The following MYH4 variants were observed in gnomAD, a reference collection of about 807,000 sequenced individuals.
MYH4 encodes myosin-4.
Under a neutral mutation model 229.9 loss-of-function variants are expected in MYH4, and 200 were observed. That is an observed-to-expected ratio of 0.87 (90% CI 0.78 to 0.98). The LOEUF is 0.98. Ranked by LOEUF, MYH4 falls within the 50% of genes least tolerant of loss-of-function variation. The pLI is 0.00. For synonymous variants in MYH4, 761 were observed against 834.6 expected (o/e 0.91, Z 1.52); for missense variants, 2,148 against 2,332.6 (o/e 0.92, Z 1.63).
At position 10,452,952 on chromosome 17, in the gene MYH4, T is replaced by G; in HGVS notation, c.3112-20A>C. Reference sequence around the variant, plus strand: ...TTCAAGCTAAATTTATGATGCATTTTATTTATTTCAGCTCTTAAGCACTGA... The same window carrying G: ...TTCAAGCTAAATTTATGATGCATTTGATTTATTTCAGCTCTTAAGCACTGA... On this transcript the variant is annotated intron_variant, in intron 24 of 39. Transcript: ENST00000255381. The G allele has an allele frequency of 6.3e-7, 1 of 1,599,420 alleles. No homozygotes were observed. The highest frequency in any genetic ancestry group is 8.5e-7 in the Non-Finnish European group (1 of 1,176,886).
At chr17:10,457,833 G>A (rs1645650131) in intron 15 of MYH4, 104 bp from the exon 16 acceptor site, 4 of 1,408,340 alleles carry the variant, frequency 2.8e-6, no homozygotes, top group Non-Finnish European at 3.8e-6. Flanking sequence ...AGAAGACTTT[G>A]AATGATAAAT....
At chr17:10,465,058 C>T (rs2072747180) in intron 5 of MYH4, among the ~76,000 whole-genome samples, 1 of 152,164 alleles carries the variant, frequency 6.6e-6, no homozygotes, top group African/African-American at 2.4e-5. Flanking sequence ...TTGTACTGTG[C>T]TTGTGATAAC....
At position 10,453,723 on chromosome 17, in the gene MYH4, A is replaced by C; in HGVS notation, c.2854T>G (p.Ser952Ala). 1.2e-6 allele frequency: 2 copies of C among 1,614,052 alleles called. No individual in the cohort carries two copies. The highest frequency in any genetic ancestry group is 1.7e-6 in the Non-Finnish European group (2 of 1,179,998). ...AKKRKLEDEC[S>A]ELKKDIDDLE... is the part of the protein sequence containing the mutation. ...TCATCAATGTCTTTCTTGAGCTCTGAACATTCATCCTCCAGTTTCCTCTTC... is the reference window on the plus strand; with the variant it reads ...TCATCAATGTCTTTCTTGAGCTCTGCACATTCATCCTCCAGTTTCCTCTTC... Residue 952 changes from serine (S) to alanine (A), a missense_variant, in exon 23 of 40, where the codon TCA (serine) becomes GCA (alanine). By Grantham distance (99) the Ser-to-Ala change is moderately conservative (BLOSUM62 1). Coordinates refer to ENST00000255381, the MANE Select transcript of MYH4 (RefSeq NM_017533.2).
At position 10,463,609 on chromosome 17, in the gene MYH4, G is replaced by A. The variant is rs199624888; in HGVS notation, c.683C>T (p.Pro228Leu). 1.9e-6 allele frequency: 3 copies of A among 1,613,042 alleles called. No homozygotes were observed. Among genetic ancestry groups the A allele is most frequent in the East Asian group, 2.2e-5 (1 of 44,860 alleles). ...TLEDQIISANPLLEAFGNAKT... is the reference protein window; with the variant it reads ...TLEDQIISANLLLEAFGNAKT... ...GGCATTGCCGAAGGCTTCCAGTAGG[G>A]GGTTAGCACTGATGATTTGATCTTC... The change falls in exon 8 of 40, where the codon CCC becomes CTC. Residue 228 changes from proline (P) to leucine (L), a missense_variant. Physicochemically the swap from Pro to Leu is moderately conservative, Grantham distance 98. Coordinates refer to ENST00000255381, the MANE Select transcript of MYH4 (RefSeq NM_017533.2).
chr17:10,447,277 G>T, intron 34 of MYH4, 61 bp from the exon 35 acceptor site: 3 of 1,424,270 alleles, frequency 2.1e-6, no homozygotes, highest in South Asian at 2.4e-5. Flanking sequence ...GCAAACTTAT[G>T]GTCATGTACA....
At position 10,455,858 on chromosome 17, in the gene MYH4, G is replaced by A; in HGVS notation, c.2012C>T (p.Pro671Leu). ...GGGGATGATGCACCGCACAAAGTGG[G>A]GGTGAGTGCTCCTCAAGTTGGTCAT... is the stretch of plus-strand genomic sequence containing the variant. ...KLMTNLRSTH[P>L]HFVRCIIPNE... The change falls in exon 18 of 40, where the codon CCC becomes CTC. Residue 671 changes from proline (P) to leucine (L), a missense_variant. Coordinates refer to ENST00000255381, the MANE Select transcript of MYH4 (RefSeq NM_017533.2). 2.5e-6 allele frequency: 4 copies of A among 1,614,180 alleles called. No homozygotes were observed. Among genetic ancestry groups the A allele is most frequent in the Non-Finnish European group, 1.7e-6 (2 of 1,180,018 alleles).
At chr17:10,464,379 G>C (rs1022025771) in intron 7 of MYH4, 93 bp downstream of exon 7, 1 of 1,060,096 alleles carries the variant, frequency 9.4e-7, no homozygotes, top group East Asian at 2.5e-5. Flanking sequence ...TGGTGTATAC[G>C]TACTACATTT....
chr17:10,459,492 T>G, intron 14 of MYH4, 71 bp from the exon 15 acceptor site: 3 of 1,609,172 alleles, frequency 1.9e-6, no homozygotes, highest in Non-Finnish European at 2.5e-6. Context: ...TATTAGTATT[T>G]TCTTCTGAAT....
At chr17:10,451,233 A>C in intron 28 of MYH4, 93 bp downstream of exon 28, 6 of 1,443,768 alleles carry the variant, frequency 4.2e-6, no homozygotes, top group Non-Finnish European at 4.7e-6. Flanking sequence ...ATGAATGTAC[A>C]GAGCTTGAGA....
chr17:10,449,057 G>T lies in MYH4; in HGVS notation c.4182-10C>A, dbSNP rs759279800. On this transcript the variant is annotated splice_polypyrimidine_tract_variant and intron_variant, in intron 30 of 39. Coordinates refer to ENST00000255381, the MANE Select transcript of MYH4 (RefSeq NM_017533.2). The stretch of plus-strand genomic sequence containing the variant: ...CTGGGCTAGCTTCTTCCTGAAAATT[G>T]GGTCAGTATGAGTGACCAAGAGCAG... 1 of 1,613,488 alleles carries T rather than the reference G, an allele frequency of 6.2e-7. No individual in the cohort carries two copies. Among genetic ancestry groups the T allele is most frequent in the South Asian group, 1.1e-5 (1 of 91,052 alleles).
intron 30 of MYH4, among the ~76,000 whole-genome samples, chr17:10,449,985 T>C (rs2072554554): frequency 6.6e-6 from 1 of 152,198 alleles, no homozygotes; most frequent in Non-Finnish European, 1.5e-5. Context: ...TACGTGTAAT[T>C]AGTGAATACA....
At chr17:10,464,614 C>G (rs543483173) in intron 6 of MYH4, 28 bp from the exon 7 acceptor site, 1 of 1,613,676 alleles carries the variant, frequency 6.2e-7, no homozygotes, top group Non-Finnish European at 8.5e-7. Context: ...AAGAAAAGGT[C>G]AGAATCTAAG....
In MYH4 at chr17:10,455,092, A is replaced by G. The variant is rs2072624089; in HGVS notation, c.2299-15T>C. On this transcript the variant is annotated splice_polypyrimidine_tract_variant and intron_variant, in intron 20 of 39. Coordinates refer to ENST00000255381, the MANE Select transcript of MYH4 (RefSeq NM_017533.2). ...TTGAAGAAAACCTTATGAAAGAACA[A>G]GTTAAATATGTTATTTCCACTTACA... 6.2e-7 allele frequency: 1 copy of G among 1,614,132 alleles called. No homozygotes were observed. Among genetic ancestry groups the G allele is most frequent in the Non-Finnish European group, 8.5e-7 (1 of 1,179,978 alleles).
intron 34 of MYH4, 68 bp downstream of exon 34, chr17:10,447,750 A>AT: frequency 7.0e-7 from 1 of 1,430,486 alleles, no homozygotes; most frequent in Non-Finnish European, 9.5e-7. Flanking sequence ...TCCTCGTAAA[A>AT]CATTAAAATT....
rs1329162384 is a variant in MYH4 at position 10,452,482 on chromosome 17, C to A, written c.3282G>T (p.Leu1094=). Residue 1094 remains leucine (L), a synonymous_variant, in exon 26 of 40, where the codon CTG becomes CTT. Transcript: ENST00000255381. ...CTTGTTCATCTTCAATCTTGCCTTGCAGATTGCTCATTTCAAACTCTTTCC... is the reference window on the plus strand; with the variant it reads ...CTTGTTCATCTTCAATCTTGCCTTGAAGATTGCTCATTTCAAACTCTTTCC... ...LKKKEFEMSN[L]QGKIEDEQAL... 1.9e-6 allele frequency: 3 copies of A among 1,613,892 alleles called. No individual in the cohort carries two copies. Among genetic ancestry groups the A allele is most frequent in the Non-Finnish European group, 2.5e-6 (3 of 1,179,964 alleles).
chr17:10,452,229 G>A lies in MYH4; in HGVS notation c.3450C>T (p.Ile1150=). Residue 1150 remains isoleucine, a synonymous_variant, in exon 27 of 40, where the codon ATC becomes ATT. Coordinates refer to ENST00000255381, the MANE Select transcript of MYH4 (RefSeq NM_017533.2). ...CACCGGCTTCTTCCAGCCTCTCACT[G>A]ATCTCCTCCAGCTCCCGGGAGAGGT... ...RSDLSRELEE[I]SERLEEAGGA... 1 of 1,613,882 alleles carries A rather than the reference G, an allele frequency of 6.2e-7. No individual in the cohort carries two copies. The highest frequency in any genetic ancestry group is 8.5e-7 in the Non-Finnish European group (1 of 1,180,002).
At position 10,457,490 on chromosome 17, in the gene MYH4, C is replaced by T. The variant is rs1254240741; in HGVS notation, c.1827G>A (p.Val609=). 2 of 1,614,208 alleles carry T rather than the reference C, an allele frequency of 1.2e-6. No homozygotes were observed. The highest frequency in any genetic ancestry group is 2.2e-5 in the East Asian group (1 of 44,892). The change falls in exon 16 of 40, where the codon GTG becomes GTA. Residue 609 remains valine, a synonymous_variant. Coordinates refer to ENST00000255381, the MANE Select transcript of MYH4 (RefSeq NM_017533.2). The part of the protein sequence containing the change: ...KNKDPLNETV[V]GLYQKSAMKT... ...TCATTGCAGACTTCTGGTACAGCCC[C>T]ACCACAGTCTCATTCAGGGGGTCCT... is the stretch of plus-strand genomic sequence containing the variant.
chr17:10,458,428 A>G (rs1277628496), intron 15 of MYH4, among the ~76,000 whole-genome samples: 1 of 152,220 alleles, frequency 6.6e-6, no homozygotes, highest in African/African-American at 2.4e-5. Context: ...TAGTAGAGAT[A>G]TTATATCACC....
chr17:10,447,103 C>T lies in MYH4; in HGVS notation c.5079G>A (p.Arg1693=). 1.9e-6 allele frequency: 3 copies of T among 1,614,108 alleles called. No homozygotes were observed. The highest frequency in any genetic ancestry group is 2.5e-6 in the Non-Finnish European group (3 of 1,180,018). ...NLMQAEVEEL[R]ASLERTERGR... is the part of the protein sequence containing the mutation. ...CTCTCTCAGTCCGTTCCAGGGATGC[C>T]CTGAGCTCTTCAACTTCAGCCTGCA... The change falls in exon 35 of 40, where the codon AGG becomes AGA. Residue 1693 remains arginine (R), a synonymous_variant. Transcript: ENST00000255381.
Sources: gnomAD v4.1 joint callset for allele counts (sites outside exome capture counted in the v4.1 genomes callset) on GRCh38, gnomAD v4.1.1 for gene constraint, MANE v1.5 for transcripts, NCBI Gene and HGNC (gene_info 2026-07-23, HGNC 2026-07-21) for gene names.